ARL1: variants seen among roughly 807,000 people sequenced by gnomAD.
The protein encoded by ARL1 is ADP-ribosylation factor-like protein 1.
ARL1 carries 17 observed loss-of-function variants against 30.1 expected under a neutral mutation model. That is an observed-to-expected ratio of 0.56 (90% CI 0.39 to 0.85). ARL1 has a LOEUF of 0.85. ARL1 is among the 40% of genes least tolerant of loss of function. The pLI, the probability that ARL1 is intolerant of heterozygous loss-of-function variation, is 0.00. For synonymous variants in ARL1, 58 were observed against 71.7 expected, an observed-to-expected ratio of 0.81 and a Z score of 0.97; for missense variants, 102 against 212.6, an observed-to-expected ratio of 0.48 and a Z score of 3.24.
chr12:101,404,508 G>A (rs1008244710), intron 2 of ARL1, among the ~76,000 whole-genome samples: 2 of 152,136 alleles, frequency 1.3e-5, no homozygotes, highest in African/African-American at 4.8e-5. Context: ...AAAAACTAAG[G>A]GCACTAAAAT....
intron 2 of ARL1, chr12:101,403,208 T>C (rs1360387215): frequency 2.1e-6 from 1 of 486,996 alleles, no homozygotes; most frequent in Non-Finnish European, 4.0e-6. Context: ...AAACATCAAT[T>C]AGCAAGATCA....
At chr12:101,405,630 A>T (rs1871419647) in intron 2 of ARL1, 2 of 330,320 alleles carry the variant, frequency 6.1e-6, no homozygotes, top group South Asian at 2.5e-4. Flanking sequence ...TTTATTCAGA[A>T]ATAGGCCTGG....
chr12:101,399,253 T>C (rs992081055), intron 4 of ARL1, among the ~76,000 whole-genome samples: 9 of 152,042 alleles, frequency 5.9e-5, no homozygotes, highest in Admixed American at 2.0e-4. Flanking sequence ...TCCCAGTACT[T>C]TGGGAGGCCA....
rs1871072396 is a variant in ARL1, at chr12:101,393,726, A to C, written c.*1914T>G. 1 of 152,208 alleles carries C rather than the reference A, an allele frequency of 6.6e-6. No homozygotes were observed. The highest frequency in any genetic ancestry group is 1.5e-5 in the Non-Finnish European group (1 of 68,076). The allele number at this position is 152,208 out of a possible 1,614,324, so 9.4% of individuals were successfully genotyped here. A position where few individuals can be genotyped will look rare whatever the true frequency, so the allele number is the denominator to read the frequency against. On this transcript the variant is annotated 3_prime_UTR_variant, in exon 6 of 6. Coordinates refer to ENST00000261636, the MANE Select transcript of ARL1 (RefSeq NM_001177.6). Reference sequence around the variant, plus strand: ...AGGATTCAAGATGGCCAGCGGCTACATGCCGGGTCTGCCTGCCAGGACCTT... The same window carrying C: ...AGGATTCAAGATGGCCAGCGGCTACCTGCCGGGTCTGCCTGCCAGGACCTT...
chr12:101,396,669 TATA>T, intron 4 of ARL1, 92 bp from the exon 5 acceptor site: 1 of 920,944 alleles, frequency 1.1e-6, no homozygotes, highest in East Asian at 2.6e-5. Flanking sequence ...ACGTGTATTT[TATA>T]ATTAATATAT....
chr12:101,399,524 A>AAAAAAAAAAAAAAAAAAAAT, intron 4 of ARL1, among the ~76,000 whole-genome samples: 1 of 61,164 alleles, frequency 1.6e-5, no homozygotes. Context: ...AAAAAAAAAA[A>AAAAAAAAAAAAAAAAAAAAT]AAAAAAAAAA....
chr12:101,396,082 A>G (rs531125456), intron 5 of ARL1: 3 of 580,804 alleles, frequency 5.2e-6, no homozygotes, highest in Non-Finnish European at 6.1e-6. Context: ...GAATAGAGAT[A>G]CATTAGGAAA....
chr12:101,399,179 C>A (rs1380510928), intron 4 of ARL1, among the ~76,000 whole-genome samples: 2 of 151,690 alleles, frequency 1.3e-5, no homozygotes, highest in African/African-American at 4.8e-5. Context: ...AACTTGGAAG[C>A]CATTAAGTCA....
At chr12:101,405,736 T>G in intron 2 of ARL1, 108 bp downstream of exon 2, 1 of 1,214,628 alleles carries the variant, frequency 8.2e-7, no homozygotes, top group Non-Finnish European at 1.1e-6. Flanking sequence ...GACAACATAG[T>G]GATGATACCT....
chr12:101,404,308 T>C (rs1468012396), intron 2 of ARL1, among the ~76,000 whole-genome samples: 4 of 151,340 alleles, frequency 2.6e-5, no homozygotes, highest in African/African-American at 9.7e-5. Flanking sequence ...GCCCAGGAGG[T>C]AGAGGTAGAG....
At chr12:101,404,198 C>T (rs1003794274) in intron 2 of ARL1, among the ~76,000 whole-genome samples, 1 of 152,068 alleles carries the variant, frequency 6.6e-6, no homozygotes, top group African/African-American at 2.4e-5. Context: ...TAAAAAACAT[C>T]GTTTATATGT....
Position 101,396,448 on chromosome 12 carries a change from A to G in ARL1, c.466T>C (p.Phe156Leu), listed in dbSNP as rs1193650336. The G allele has an allele frequency of 3.7e-6, 6 of 1,613,860 alleles. No individual in the cohort carries two copies. ...PALKDRKWQIFKTSATKGTGL... is the reference protein window; with the variant it reads ...PALKDRKWQILKTSATKGTGL... Reference sequence around the variant, plus strand: ...GTGCCTTTGGTTGCTGACGTTTTGAATATCTGCCATTTTCGGTCCTTCAAG... The same window carrying G: ...GTGCCTTTGGTTGCTGACGTTTTGAGTATCTGCCATTTTCGGTCCTTCAAG... The change falls in exon 5 of 6, where the codon TTC becomes CTC. Residue 156 changes from phenylalanine (F) to leucine (L), a missense_variant. By Grantham distance (22) the Phe-to-Leu change is conservative. Transcript: ENST00000261636.
intron 4 of ARL1, 35 bp downstream of exon 4, chr12:101,401,027 C>G (rs1459132242): frequency 7.4e-7 from 1 of 1,358,710 alleles, no homozygotes; most frequent in Non-Finnish European, 1.1e-6. Flanking sequence ...ATGTAAATGA[C>G]TGCCCCACAT....
rs1226754502 is a variant in ARL1 at position 101,395,257 on chromosome 12, GA to G, written c.*382del. ...TTGGAAAGATAATTCATTTTAAGGG[GA>G]AAAAAATCTGTTAAGATATTTTTTA... On this transcript the variant is annotated 3_prime_UTR_variant, in exon 6 of 6. Transcript: ENST00000261636. The G allele has an allele frequency of 2.4e-5, 4 of 164,988 alleles. No homozygotes were observed. Among genetic ancestry groups the G allele is most frequent in the Admixed American group, 6.4e-5 (1 of 15,602 alleles). The allele number at this position is 164,988 out of a possible 1,614,324, so 10.2% of individuals were successfully genotyped here.
In ARL1 at chr12:101,407,764, G is replaced by C. The variant is rs761050752; in HGVS notation, c.-119C>G. 1.1e-4 allele frequency: 166 copies of C among 1,471,222 alleles called. No individual in the cohort carries two copies. Among genetic ancestry groups the C allele is most frequent in the Non-Finnish European group, 1.4e-4 (150 of 1,061,604 alleles). The allele number at this position is 1,471,222 out of a possible 1,614,324, so 91.1% of individuals were successfully genotyped here. ...GCAACTTCCACGTCGGACTCCAGGC[G>C]GGGGCGGGAGCGAGGGTCAGCTGCG... On this transcript the variant is annotated 5_prime_UTR_variant, in exon 1 of 6. Coordinates refer to ENST00000261636, the MANE Select transcript of ARL1 (RefSeq NM_001177.6).
At position 101,396,504 on chromosome 12, in the gene ARL1, G is replaced by A; in HGVS notation, c.410C>T (p.Ser137Leu). 6.2e-7 allele frequency: 1 copy of A among 1,613,976 alleles called. No homozygotes were observed. The highest frequency in any genetic ancestry group is 8.5e-7 in the Non-Finnish European group (1 of 1,179,890). Reference protein sequence around the residue: ...KQDMEQAMTSSEMANSLGLPA... With the variant: ...KQDMEQAMTSLEMANSLGLPA... ...TAACCCAAGTGAATTTGCCATCTCTGAGGAAGTCATGGCCTGTTCCATGTC... is the reference window on the plus strand; with the variant it reads ...TAACCCAAGTGAATTTGCCATCTCTAAGGAAGTCATGGCCTGTTCCATGTC... Residue 137 changes from serine (S) to leucine (L), a missense_variant, in exon 5 of 6, where the codon TCA (serine) becomes TTA (leucine). Ser to Leu is a moderately radical substitution (Grantham distance 145, BLOSUM62 -2). Coordinates refer to ENST00000261636, the MANE Select transcript of ARL1 (RefSeq NM_001177.6).
At chr12:101,397,686 G>C (rs1871188940) in intron 4 of ARL1, among the ~76,000 whole-genome samples, 1 of 152,004 alleles carries the variant, frequency 6.6e-6, no homozygotes, top group Admixed American at 6.6e-5. Context: ...TTTTAGTAGA[G>C]ATGAGGTTTC....
chr12:101,395,817 T>G, intron 5 of ARL1, 147 bp from the exon 6 acceptor site: 1 of 594,256 alleles, frequency 1.7e-6, no homozygotes, highest in Non-Finnish European at 3.0e-6. Flanking sequence ...TAGATATCCA[T>G]AAGGTTCCTC....
At chr12:101,396,318 C>A (rs767497521) in intron 5 of ARL1, 81 bp downstream of exon 5, 3 of 1,560,914 alleles carry the variant, frequency 1.9e-6, no homozygotes, top group Admixed American at 1.7e-5. Flanking sequence ...ATCCTCAACA[C>A]GGGAGAAAAA....
Sources: allele counts gnomAD v4.1 joint callset (sites outside exome capture counted in the v4.1 genomes callset), GRCh38; gene constraint gnomAD v4.1.1; transcripts MANE v1.5; gene names NCBI Gene and HGNC (gene_info 2026-07-23, HGNC 2026-07-21).